Variants in CDC42EP3 observed in about 807,000 individuals in gnomAD.
The protein encoded by CDC42EP3 is CDC42 effector protein 3, also known as CDC42 effector protein (Rho GTPase binding) 3.
CDC42EP3 carries 4 observed loss-of-function variants against 15.5 expected under a neutral mutation model. The observed-to-expected ratio is 0.26, with a 90% CI of 0.13 to 0.59. The LOEUF (loss-of-function observed/expected upper bound fraction) is 0.59, where lower values mean the gene tolerates loss of function less well. Among genes scored for constraint, CDC42EP3 ranks in the 20% least tolerant of loss-of-function variants. The pLI is 0.89. For missense variants in CDC42EP3, 309 were observed against 311.2 expected, an observed-to-expected ratio of 0.99 and a Z score of 0.05; for synonymous variants, 145 against 130.3, an observed-to-expected ratio of 1.11 and a Z score of -0.77.
At chr2:37,666,643 A>T (rs1343151441) in intron 1 of CDC42EP3, among the ~76,000 whole-genome samples, 1 of 152,166 alleles carries the variant, frequency 6.6e-6, no homozygotes, top group Non-Finnish European at 1.5e-5. Flanking sequence ...CACACAGTTT[A>T]CTTGGCTATT....
intron 1 of CDC42EP3, among the ~76,000 whole-genome samples, chr2:37,666,210 T>C (rs1666245706): frequency 6.6e-6 from 1 of 152,200 alleles, no homozygotes; most frequent in African/African-American, 2.4e-5. Context: ...CAGAGTGTGT[T>C]TCCTGCCAGG....
chr2:37,649,671 G>A (rs1047498327), intron 1 of CDC42EP3, among the ~76,000 whole-genome samples: 5 of 151,964 alleles, frequency 3.3e-5, no homozygotes, highest in African/African-American at 9.7e-5. Context: ...CACCCACCAG[G>A]GAGCAAGATG....
At chr2:37,667,388 A>C (rs1666280010) in intron 1 of CDC42EP3, among the ~76,000 whole-genome samples, 1 of 152,154 alleles carries the variant, frequency 6.6e-6, no homozygotes, top group Non-Finnish European at 1.5e-5. Flanking sequence ...GGGATTGTCC[A>C]CAGGTGGTTA....
At chr2:37,671,816 C>T (rs17551360), upstream of CDC42EP3, 34,257 of 74,330 alleles carry the variant, frequency 0.46, 4,245 homozygotes, top group South Asian at 0.51. Context: ...GCCGGGCGCG[C>T]GCGCGGGGGG....
chr2:37,656,978 AG>A (rs1468800326), intron 1 of CDC42EP3, among the ~76,000 whole-genome samples: 2 of 97,502 alleles, frequency 2.1e-5, no homozygotes, highest in East Asian at 5.5e-4. Flanking sequence ...AAAGTAACAA[AG>A]CCCCCCCCCC....
rs1184880649 is a variant in CDC42EP3 at position 37,642,383 on chromosome 2, TG to T, written c.*3439del. On this transcript the variant is annotated 3_prime_UTR_variant, in exon 2 of 2. Coordinates refer to ENST00000295324, the MANE Select transcript of CDC42EP3 (RefSeq NM_006449.5). ...TGATGGTGGCTTATCATTTGGCATC[TG>T]GAAACTTCTCTTATTTTGCTGGATA... The T allele has an allele frequency of 6.6e-6, 1 of 152,252 alleles. No individual in the cohort carries two copies. The highest frequency in any genetic ancestry group is 1.5e-5 in the Non-Finnish European group (1 of 68,052). The allele number at this position is 152,252 out of a possible 1,614,324, so 9.4% of individuals were successfully genotyped here.
chr2:37,661,521 G>A (rs75794229), intron 1 of CDC42EP3, among the ~76,000 whole-genome samples: 2,306 of 152,288 alleles, frequency 0.015, 57 homozygotes, highest in African/African-American at 0.052. Flanking sequence ...ACCGAGAGCC[G>A]GGGCTGGATG....
At chr2:37,656,831 C>T (rs72879496) in intron 1 of CDC42EP3, among the ~76,000 whole-genome samples, 11,032 of 152,004 alleles carry the variant, frequency 0.073, 1,245 homozygotes, top group African/African-American at 0.24. Flanking sequence ...TTGTCAGAAG[C>T]CAAAAATGAG....
chr2:37,669,759 G>T (rs1358910753), intron 1 of CDC42EP3, among the ~76,000 whole-genome samples: 2 of 152,208 alleles, frequency 1.3e-5, no homozygotes, highest in Non-Finnish European at 2.9e-5. Context: ...CCCAGAGGCT[G>T]GTGCTGTTTT....
At chr2:37,660,628 A>G (rs1270763955) in intron 1 of CDC42EP3, among the ~76,000 whole-genome samples, 2 of 152,132 alleles carry the variant, frequency 1.3e-5, no homozygotes, top group African/African-American at 4.8e-5. Context: ...TGATTTTAAG[A>G]GGAAAATCCT....
intron 1 of CDC42EP3, among the ~76,000 whole-genome samples, chr2:37,651,536 G>A (rs116317382): frequency 6.2e-4 from 95 of 152,346 alleles, no homozygotes; most frequent in African/African-American, 2.2e-3. Context: ...CCTGAGCCAC[G>A]TCTCCCCTGA....
rs77887044 is a variant in CDC42EP3, at chr2:37,668,478, C to G, written c.-236+2948G>C. 3.0e-4 allele frequency among the ~76,000 whole-genome samples: 45 copies of G among 152,270 alleles called. No individual in the cohort carries two copies. In the East Asian group the frequency reaches 8.3e-3, roughly 28 times the overall value. On this transcript the variant is annotated intron_variant, in intron 1 of 1. Transcript: ENST00000295324. ...ACTGAGGTAAAGGTGAGGTAACTTG[C>G]CCAAAGTCACACAGGTGTTAAGTGC...
At chr2:37,669,305 C>T (rs937157893) in intron 1 of CDC42EP3, among the ~76,000 whole-genome samples, 12 of 150,120 alleles carry the variant, frequency 8.0e-5, no homozygotes, top group East Asian at 1.9e-4. Context: ...CTGTTGAATA[C>T]CAGGAACTTT....
chr2:37,646,665 C>A lies in CDC42EP3; in HGVS notation c.-78G>T. On this transcript the variant is annotated 5_prime_UTR_variant, in exon 2 of 2. It adds an upstream start codon to the 5' untranslated region. Transcript: ENST00000295324. ...CACAGATGGTATATGTTTCTGAATCCTTTTTGATAGGAACTGTCACATCAT... is the reference window on the plus strand; with the variant it reads ...CACAGATGGTATATGTTTCTGAATCATTTTTGATAGGAACTGTCACATCAT... 7.5e-7 allele frequency: 1 copy of A among 1,338,396 alleles called. No homozygotes were observed. Among genetic ancestry groups the A allele is most frequent in the South Asian group, 1.5e-5 (1 of 67,876 alleles). The allele number at this position is 1,338,396 out of a possible 1,614,324, so 82.9% of individuals were successfully genotyped here.
At chr2:37,669,938 T>C (rs1328454500) in intron 1 of CDC42EP3, among the ~76,000 whole-genome samples, 1 of 152,220 alleles carries the variant, frequency 6.6e-6, no homozygotes, top group African/African-American at 2.4e-5. Context: ...AAATCTATTC[T>C]GAAAAGGGTA....
At chr2:37,655,866 C>A (rs1028686693) in intron 1 of CDC42EP3, among the ~76,000 whole-genome samples, 1 of 152,216 alleles carries the variant, frequency 6.6e-6, no homozygotes, top group African/African-American at 2.4e-5. Context: ...CTCTCAGTTG[C>A]TCACAAAATA....
At chr2:37,668,148 C>T (rs1178268119) in intron 1 of CDC42EP3, among the ~76,000 whole-genome samples, 1 of 152,154 alleles carries the variant, frequency 6.6e-6, no homozygotes, top group East Asian at 1.9e-4. Flanking sequence ...AATATGGTCT[C>T]TTTCTTTCTT....
chr2:37,645,975 A>T lies in CDC42EP3; in HGVS notation c.613T>A (p.Phe205Ile). 1 of 1,614,036 alleles carries T rather than the reference A, an allele frequency of 6.2e-7. No homozygotes were observed. Among genetic ancestry groups the T allele is most frequent in the Non-Finnish European group, 8.5e-7 (1 of 1,179,954 alleles). The change falls in exon 2 of 2, where the codon TTT (phenylalanine) becomes ATT (isoleucine). Residue 205 changes from phenylalanine to isoleucine, a missense_variant. Transcript: ENST00000295324. ...AGCTCGCATGGGGTGGGATGGTCAA[A>T]CATGTCCTCGGCTGGCCAGTCGGGG... is the stretch of plus-strand genomic sequence containing the variant. ...QYPDWPAEDM[F>I]DHPTPCELIK...
intron 1 of CDC42EP3, among the ~76,000 whole-genome samples, chr2:37,667,602 G>A (rs935920278): frequency 6.6e-6 from 1 of 152,296 alleles, no homozygotes; most frequent in Non-Finnish European, 1.5e-5. Context: ...CCCTAGCAGT[G>A]TTCATGCTAG....
Sources: gnomAD v4.1 joint callset for allele counts (sites outside exome capture counted in the v4.1 genomes callset) on GRCh38, gnomAD v4.1.1 for gene constraint, MANE v1.5 for transcripts, NCBI Gene and HGNC (gene_info 2026-07-23, HGNC 2026-07-21) for gene names.